LRP6: variants seen among roughly 807,000 people sequenced by gnomAD.
The protein encoded by LRP6 is LDL receptor related protein 6, also known as low-density lipoprotein receptor-related protein 6.
Under a neutral mutation model 184.1 loss-of-function variants are expected in LRP6, and 43 were observed. The ratio of observed to expected loss-of-function variants is 0.23; its 90% CI spans 0.18 to 0.30. The LOEUF (loss-of-function observed/expected upper bound fraction) is 0.30. Among genes scored for constraint, LRP6 ranks in the 10% least tolerant of loss-of-function variants. The probability of loss-of-function intolerance (pLI) is 1.00; values close to 1 mark genes in which losing one functional copy is unlikely to be tolerated. For missense variants in LRP6, 1,571 were observed against 2,005.3 expected (o/e 0.78, Z 4.14); for synonymous variants, 719 against 684.9 (o/e 1.05, Z -0.78).
At chr12:12,133,900 T>C (rs1233339377) in intron 17 of LRP6, among the ~76,000 whole-genome samples, 1 of 149,204 alleles carries the variant, frequency 6.7e-6, no homozygotes, top group African/African-American at 2.5e-5. Context: ...ATTTAACCAC[T>C]TTAAAGTGCA....
intron 17 of LRP6, among the ~76,000 whole-genome samples, chr12:12,132,328 A>G (rs750442774): frequency 3.3e-5 from 5 of 152,168 alleles, no homozygotes; most frequent in Admixed American, 3.3e-4. Context: ...AATATTTGCA[A>G]TCCGTTACAG....
chr12:12,189,933 A>C (rs1863568482), intron 3 of LRP6, among the ~76,000 whole-genome samples: 1 of 152,218 alleles, frequency 6.6e-6, no homozygotes, highest in Non-Finnish European at 1.5e-5. Flanking sequence ...TCACCTATCC[A>C]GCAACTCTAT....
rs776248382 is a variant in LRP6, at chr12:12,159,740, G to A, written c.2464+40C>T. The A allele has an allele frequency of 5.0e-6, 8 of 1,589,086 alleles. No homozygotes were observed. The African/African-American group carries it at 1.1e-4, about 21-fold the overall frequency. ...AATAGCAGCCACTGATATTTGCATG[G>A]AAAGAATATACTGTTTGAGTAAAAA... On this transcript the variant is annotated intron_variant, in intron 11 of 22. Transcript: ENST00000261349.
intron 3 of LRP6, among the ~76,000 whole-genome samples, chr12:12,201,020 G>A (rs535424041): frequency 1.3e-5 from 2 of 152,224 alleles, no homozygotes; most frequent in East Asian, 3.9e-4. Flanking sequence ...CGTAAAATTA[G>A]TGTTCCTGAA....
chr12:12,191,219 G>C (rs1334525337), intron 3 of LRP6, among the ~76,000 whole-genome samples: 1 of 152,154 alleles, frequency 6.6e-6, no homozygotes, highest in Non-Finnish European at 1.5e-5. Context: ...AACCTATTGT[G>C]AACTCTCAAA....
chr12:12,253,450 G>A lies in LRP6; in HGVS notation c.56-8795C>T, dbSNP rs1439979425. ...CTTTTTTTTTATTATTATACTTTAAGTTCTAGGGTACATGTGCACAACGTG... is the reference window on the plus strand; with the variant it reads ...CTTTTTTTTTATTATTATACTTTAAATTCTAGGGTACATGTGCACAACGTG... On this transcript the variant is annotated intron_variant, in intron 1 of 22. Transcript: ENST00000261349. Among the ~76,000 whole-genome samples the A allele has an allele frequency of 2.6e-5, 4 of 151,398 alleles. No individual in the cohort carries two copies. The East Asian group carries it at 7.7e-4, about 29-fold the overall frequency.
chr12:12,245,234 C>T (rs1591982276), intron 1 of LRP6, among the ~76,000 whole-genome samples: 1 of 152,184 alleles, frequency 6.6e-6, no homozygotes, highest in South Asian at 2.1e-4. Flanking sequence ...AACTGTGATA[C>T]TGCCATACAA....
intron 2 of LRP6, among the ~76,000 whole-genome samples, chr12:12,209,019 A>G (rs1864139521): frequency 6.6e-6 from 1 of 152,222 alleles, no homozygotes; most frequent in African/African-American, 2.4e-5. Flanking sequence ...CTTTAAACAA[A>G]CAAGTGTAGA....
At chr12:12,129,561 CT>C (rs558494694) in intron 19 of LRP6, among the ~76,000 whole-genome samples, 5 of 150,290 alleles carry the variant, frequency 3.3e-5, no homozygotes, top group Admixed American at 2.0e-4. Context: ...TCTTTTTTTT[CT>C]TTTTTTTTGA....
At chr12:12,245,540 T>C (rs755996005) in intron 1 of LRP6, among the ~76,000 whole-genome samples, 8 of 152,216 alleles carry the variant, frequency 5.3e-5, no homozygotes, top group Non-Finnish European at 1.2e-4. Context: ...TCAAAACTTA[T>C]TAAATTTTAC....
chr12:12,262,571 AAAGC>A (rs1865645289), intron 1 of LRP6, among the ~76,000 whole-genome samples: 1 of 152,008 alleles, frequency 6.6e-6, no homozygotes, highest in Non-Finnish European at 1.5e-5. Context: ...AAAAAAAAAA[AAAGC>A]AAGCTAAGAA....
chr12:12,133,845 T>TTGGGGG lies in LRP6; in HGVS notation c.3733+1329_3733+1330insCCCCCA, dbSNP rs765444240. Among the ~76,000 whole-genome samples, 3 of 39,956 alleles carry TTGGGGG rather than the reference T, an allele frequency of 7.5e-5. 1 individual carries two copies. Among genetic ancestry groups the TTGGGGG allele is most frequent in the Non-Finnish European group, 1.5e-4 (3 of 20,236 alleles). 26.2% of individuals were successfully genotyped at this position (39,956 alleles called of 152,430 possible). A position where few individuals can be genotyped will look rare whatever the true frequency, so the allele number is the denominator to read the frequency against. ...TGATAGGGAAACACATGCTATTTTT[T>TTGGGGG]GGGGGGGGGGGGGGGGGAGGGTAAA... On this transcript the variant is annotated intron_variant, in intron 17 of 22. Coordinates refer to ENST00000261349, the MANE Select transcript of LRP6 (RefSeq NM_002336.3).
intron 7 of LRP6, among the ~76,000 whole-genome samples, chr12:12,168,875 A>G (rs762033280): frequency 1.3e-5 from 2 of 152,202 alleles, no homozygotes; most frequent in East Asian, 1.9e-4. Flanking sequence ...TGCACATAGC[A>G]TATCACCTCT....
intron 7 of LRP6, among the ~76,000 whole-genome samples, chr12:12,170,684 C>G (rs7294695): frequency 0.43 from 65,642 of 151,444 alleles, 15,762 homozygotes; most frequent in East Asian, 0.81. Context: ...TTCAGGCTTA[C>G]CTCAGATCGA....
intron 1 of LRP6, among the ~76,000 whole-genome samples, chr12:12,264,591 C>T (rs771175985): frequency 3.3e-5 from 5 of 152,160 alleles, no homozygotes; most frequent in Admixed American, 1.3e-4. Flanking sequence ...AGCCCCAATT[C>T]TTTGTGGGGG....
chr12:12,172,772 C>G (rs769871415), intron 7 of LRP6, among the ~76,000 whole-genome samples: 1 of 152,028 alleles, frequency 6.6e-6, no homozygotes, highest in Non-Finnish European at 1.5e-5. Flanking sequence ...TATTTATCCA[C>G]GGAAATAACA....
At chr12:12,233,784 T>C (rs1301388715) in intron 2 of LRP6, among the ~76,000 whole-genome samples, 3 of 152,166 alleles carry the variant, frequency 2.0e-5, no homozygotes, top group African/African-American at 7.2e-5. Context: ...AAAAATATTT[T>C]TTAGAGATGG....
chr12:12,172,250 C>G (rs1243740381), intron 7 of LRP6, among the ~76,000 whole-genome samples: 1 of 152,200 alleles, frequency 6.6e-6, no homozygotes, highest in African/African-American at 2.4e-5. Context: ...GTTTAACATT[C>G]TGAAATATTC....
chr12:12,208,590 A>G (rs1463187106), intron 2 of LRP6, among the ~76,000 whole-genome samples: 4 of 152,200 alleles, frequency 2.6e-5, no homozygotes, highest in African/African-American at 9.6e-5. Context: ...TAAAGAACTC[A>G]AAGGTAAAGA....
Sources: allele counts gnomAD v4.1 joint callset (sites outside exome capture counted in the v4.1 genomes callset), GRCh38; gene constraint gnomAD v4.1.1; transcripts MANE v1.5; gene names NCBI Gene and HGNC (gene_info 2026-07-23, HGNC 2026-07-21).